Variants in GRIK4 observed in about 807,000 individuals in gnomAD.
The protein encoded by GRIK4 is glutamate receptor ionotropic, kainate 4.
A neutral mutation model predicts 104.9 loss-of-function variants in GRIK4; 40 were observed. The observed-to-expected ratio is 0.38, with a 90% CI of 0.30 to 0.50. GRIK4 has a LOEUF of 0.50. Ranked by LOEUF, GRIK4 falls within the 20% of genes least tolerant of loss-of-function variation. The pLI is 0.93. For missense variants in GRIK4, 1,047 were observed against 1,308.1 expected (o/e 0.80, Z 3.08); for synonymous variants, 485 against 524.9 (o/e 0.92, Z 1.04).
chr11:120,851,364 C>T (rs934274429), intron 8 of GRIK4, among the ~76,000 whole-genome samples: 2 of 152,186 alleles, frequency 1.3e-5, no homozygotes, highest in African/African-American at 4.8e-5. Context: ...CTTCCCACCT[C>T]TTTATCTGGC....
chr11:120,642,104 T>G (rs761156627), intron 1 of GRIK4, among the ~76,000 whole-genome samples: 3 of 152,224 alleles, frequency 2.0e-5, no homozygotes, highest in Non-Finnish European at 2.9e-5. Context: ...CCAACACACA[T>G]TATCTGTCTT....
At chr11:120,542,915 A>G (rs1457099865) in intron 1 of GRIK4, among the ~76,000 whole-genome samples, 1 of 152,272 alleles carries the variant, frequency 6.6e-6, no homozygotes, top group Non-Finnish European at 1.5e-5. Flanking sequence ...CATGTTGAGC[A>G]CAGCCTAGGC....
rs529182287 is a variant in GRIK4 at position 120,885,934 on chromosome 11, A to G, written c.1164+10691A>G. On this transcript the variant is annotated intron_variant, in intron 11 of 20. Coordinates refer to ENST00000527524, the MANE Select transcript of GRIK4 (RefSeq NM_014619.5). ...CTCTGAGAACAGCCAATGTGGTTTT[A>G]TTCTCTTTGGCAAGAGGAGTGGTGA... Among the ~76,000 whole-genome samples the G allele has an allele frequency of 5.9e-5, 9 of 152,264 alleles. No homozygotes were observed. In the South Asian group the frequency reaches 1.9e-3, roughly 32 times the overall value.
At chr11:120,821,037 T>C (rs993623149) in intron 6 of GRIK4, among the ~76,000 whole-genome samples, 1 of 152,164 alleles carries the variant, frequency 6.6e-6, no homozygotes, top group Admixed American at 6.5e-5. Flanking sequence ...GTTGAGACTC[T>C]AGGAGGTGAA....
intron 3 of GRIK4, among the ~76,000 whole-genome samples, chr11:120,740,820 C>T (rs1415089700): frequency 6.6e-6 from 1 of 152,168 alleles, no homozygotes; most frequent in African/African-American, 2.4e-5. Context: ...TTCTCCTGGC[C>T]ATGTATCTGC....
At chr11:120,876,266 TCAC>T (rs1339165412) in intron 11 of GRIK4, among the ~76,000 whole-genome samples, 8 of 120,152 alleles carry the variant, frequency 6.7e-5, no homozygotes, top group Non-Finnish European at 1.2e-4. Context: ...ACCACCACCA[TCAC>T]CACCACCACT....
At chr11:120,951,017 G>A (rs1703828088) in intron 14 of GRIK4, among the ~76,000 whole-genome samples, 2 of 152,186 alleles carry the variant, frequency 1.3e-5, no homozygotes, top group Non-Finnish European at 2.9e-5. Context: ...GTATCAAAGG[G>A]CAGTTCCGTG....
Position 120,941,060 on chromosome 11 carries a change from A to G in GRIK4, c.1590+600A>G, listed in dbSNP as rs1432051091. ...CAGCAGAGTACAGACACGACCTTCA[A>G]GTATACTGGCCGGTGGGAAGAGCAG... is the stretch of plus-strand genomic sequence containing the variant. On this transcript the variant is annotated intron_variant, in intron 14 of 20. Transcript: ENST00000527524. Among the ~76,000 whole-genome samples, 5 of 152,218 alleles carry G rather than the reference A, an allele frequency of 3.3e-5. No homozygotes were observed. In the East Asian group the frequency reaches 7.7e-4, roughly 23 times the overall value.
intron 3 of GRIK4, among the ~76,000 whole-genome samples, chr11:120,781,275 G>C (rs1313121736): frequency 6.6e-6 from 1 of 151,848 alleles, no homozygotes; most frequent in Non-Finnish European, 1.5e-5. Context: ...TTGATTTATT[G>C]ATCTAATTAT....
At chr11:120,664,332 C>T (rs1949868138) in intron 3 of GRIK4, among the ~76,000 whole-genome samples, 1 of 152,232 alleles carries the variant, frequency 6.6e-6, no homozygotes, top group South Asian at 2.1e-4. Context: ...TAATAATAAA[C>T]TCAATGACAC....
At chr11:120,895,016 A>G (rs2134466526) in intron 11 of GRIK4, among the ~76,000 whole-genome samples, 1 of 151,990 alleles carries the variant, frequency 6.6e-6, no homozygotes, top group South Asian at 2.1e-4. Flanking sequence ...TCATTTCCTG[A>G]CTGGAGCTTG....
Position 120,578,288 on chromosome 11 carries a change from A to C in GRIK4, c.-159+66401A>C, listed in dbSNP as rs567886104. ...GGATAGATGTGGGCACAGCCTAGGGAGAGGAAAGGGGAGGTGAGAAGTTAC... is the reference window on the plus strand; with the variant it reads ...GGATAGATGTGGGCACAGCCTAGGGCGAGGAAAGGGGAGGTGAGAAGTTAC... On this transcript the variant is annotated intron_variant, in intron 1 of 20. Transcript: ENST00000527524. 2.6e-5 allele frequency among the ~76,000 whole-genome samples: 4 copies of C among 152,270 alleles called. No individual in the cohort carries two copies. In the South Asian group the frequency reaches 8.3e-4, roughly 32 times the overall value.
chr11:120,760,557 A>G (rs918435703), intron 3 of GRIK4, among the ~76,000 whole-genome samples: 4 of 151,942 alleles, frequency 2.6e-5, no homozygotes, highest in Admixed American at 2.0e-4. Context: ...TCAACCCGTC[A>G]TCTACATTAG....
Position 120,587,572 on chromosome 11 carries a change from G to A in GRIK4, c.-158-66113G>A, listed in dbSNP as rs1948683620. ...TTATTATCATGATGTCTCCAGAATG[G>A]AGTTCTAGGTAGGAATGGGCATGTT... On this transcript the variant is annotated intron_variant, in intron 1 of 20. Coordinates refer to ENST00000527524, the MANE Select transcript of GRIK4 (RefSeq NM_014619.5). 2.0e-5 allele frequency among the ~76,000 whole-genome samples: 3 copies of A among 152,156 alleles called. No homozygotes were observed. The South Asian group carries it at 6.2e-4, about 32-fold the overall frequency.
intron 3 of GRIK4, among the ~76,000 whole-genome samples, chr11:120,713,564 T>C (rs1950777208): frequency 3.3e-5 from 5 of 152,208 alleles, no homozygotes; most frequent in Admixed American, 3.3e-4. Context: ...TTAATTGCAA[T>C]GGGATTTATG....
At chr11:120,869,074 CAGA>C (rs1320495184) in intron 9 of GRIK4, 1 of 152,308 alleles carries the variant, frequency 6.6e-6, no homozygotes, top group African/African-American at 2.4e-5. Context: ...CGCACGCCAT[CAGA>C]GGAGAAATTC....
At chr11:120,883,156 GGT>G (rs1955014831) in intron 11 of GRIK4, among the ~76,000 whole-genome samples, 1 of 152,178 alleles carries the variant, frequency 6.6e-6, no homozygotes, top group South Asian at 2.1e-4. Context: ...ACGAGGGACT[GGT>G]GTGTGCACAG....
At chr11:120,600,370 T>C (rs1259699296) in intron 1 of GRIK4, among the ~76,000 whole-genome samples, 1 of 151,606 alleles carries the variant, frequency 6.6e-6, no homozygotes, top group East Asian at 1.9e-4. Flanking sequence ...AAAACTAGAG[T>C]TTTCCTGCGA....
At chr11:120,527,369 G>A (rs1420755636) in intron 1 of GRIK4, among the ~76,000 whole-genome samples, 3 of 152,210 alleles carry the variant, frequency 2.0e-5, no homozygotes, top group East Asian at 1.9e-4. Flanking sequence ...GGTCTGCTGG[G>A]TGGGGACCCC....
Sources: allele counts gnomAD v4.1 joint callset (sites outside exome capture counted in the v4.1 genomes callset), GRCh38; gene constraint gnomAD v4.1.1; transcripts MANE v1.5; gene names NCBI Gene and HGNC (gene_info 2026-07-23, HGNC 2026-07-21).